PAPPA: variants seen among roughly 807,000 people sequenced by gnomAD.
PAPPA encodes pappalysin 1, also known as pappalysin-1.
PAPPA carries 60 observed loss-of-function variants against 164.0 expected under a neutral mutation model. The ratio of observed to expected loss-of-function variants is 0.37; its 90% CI spans 0.30 to 0.45. The LOEUF (loss-of-function observed/expected upper bound fraction) is 0.45, where lower values mean the gene tolerates loss of function less well. PAPPA is among the 20% of genes least tolerant of loss of function. The pLI is 1.00. For synonymous variants in PAPPA, 875 were observed against 814.1 expected, an observed-to-expected ratio of 1.07 and a Z score of -1.27; for missense variants, 1,782 against 2,087.3, an observed-to-expected ratio of 0.85 and a Z score of 2.85.
At chr9:116,317,156 T>C (rs1268358250) in intron 10 of PAPPA, among the ~76,000 whole-genome samples, 1 of 152,202 alleles carries the variant, frequency 6.6e-6, no homozygotes, top group Non-Finnish European at 1.5e-5. Context: ...TTTATGAACT[T>C]GAGAAAGTCT....
At chr9:116,393,149 G>C (rs564351489) in intron 21 of PAPPA, among the ~76,000 whole-genome samples, 2 of 152,328 alleles carry the variant, frequency 1.3e-5, no homozygotes, top group South Asian at 4.1e-4. Flanking sequence ...TGGAGAAGCT[G>C]ATTGAACTGG....
At chr9:116,337,067 G>A (rs1431291778) in intron 13 of PAPPA, among the ~76,000 whole-genome samples, 1 of 152,204 alleles carries the variant, frequency 6.6e-6, no homozygotes, top group East Asian at 1.9e-4. Context: ...CAGGCAGTAA[G>A]AGGCAAAATC....
intron 13 of PAPPA, among the ~76,000 whole-genome samples, chr9:116,335,487 T>A (rs1357883678): frequency 6.6e-6 from 1 of 152,124 alleles, no homozygotes; most frequent in Non-Finnish European, 1.5e-5. Flanking sequence ...CCAAGGGGGA[T>A]AGAGTGAGAC....
intron 2 of PAPPA, among the ~76,000 whole-genome samples, chr9:116,192,777 G>A (rs60148314): frequency 4.7e-4 from 72 of 152,292 alleles, no homozygotes; most frequent in African/African-American, 1.6e-3. Flanking sequence ...GCAGCCATTA[G>A]AGATGTCTCC....
intron 7 of PAPPA, among the ~76,000 whole-genome samples, chr9:116,258,092 G>A (rs1336320314): frequency 1.3e-5 from 2 of 151,880 alleles, no homozygotes; most frequent in Admixed American, 6.5e-5. Context: ...ACCTAAATAA[G>A]TAAAAAGATA....
At chr9:116,176,075 C>T (rs141265528) in intron 1 of PAPPA, among the ~76,000 whole-genome samples, 2 of 152,116 alleles carry the variant, frequency 1.3e-5, no homozygotes. Flanking sequence ...ATGGTGGAGA[C>T]TCATGAAGAC....
chr9:116,227,598 G>A (rs778050153), intron 6 of PAPPA, 46 bp downstream of exon 6: 4 of 1,604,702 alleles, frequency 2.5e-6, no homozygotes, highest in Non-Finnish European at 1.7e-6. Context: ...AGTGTGCAAA[G>A]AACAGCTCTT....
chr9:116,396,678 T>C lies in PAPPA; in HGVS notation c.*62T>C. 1.3e-6 allele frequency: 1 copy of C among 753,928 alleles called. No homozygotes were observed. Among genetic ancestry groups the C allele is most frequent in the Non-Finnish European group, 2.5e-6 (1 of 403,228 alleles). 46.7% of individuals were successfully genotyped at this position (753,928 alleles called of 1,614,324 possible). Reference sequence around the variant, plus strand: ...AGGACCCACATCCCTTTGGTATTGATTTCACAGTCAGCTGCTCAACGGAAT... The same window carrying C: ...AGGACCCACATCCCTTTGGTATTGACTTCACAGTCAGCTGCTCAACGGAAT... On this transcript the variant is annotated 3_prime_UTR_variant, in exon 22 of 22. Coordinates refer to ENST00000328252, the MANE Select transcript of PAPPA (RefSeq NM_002581.5).
In PAPPA at chr9:116,377,659, G is replaced by A. The variant is rs1477845892; in HGVS notation, c.4677+12G>A. 3 of 1,592,278 alleles carry A rather than the reference G, an allele frequency of 1.9e-6. No individual in the cohort carries two copies. The highest frequency in any genetic ancestry group is 1.7e-6 in the Non-Finnish European group (2 of 1,160,196). On this transcript the variant is annotated intron_variant, in intron 20 of 21. Transcript: ENST00000328252. ...TCAAAGGCTGTGAGGTGAGTCACAA[G>A]GAAGGCACTCCTCAGTTCCCTGGAA...
chr9:116,302,736 T>C, intron 9 of PAPPA, 21 bp from the exon 10 acceptor site: 1 of 1,594,792 alleles, frequency 6.3e-7, no homozygotes, highest in Non-Finnish European at 8.6e-7. Context: ...TTCTCTCCCT[T>C]TCTATGTCAA....
At chr9:116,295,006 T>C (rs1845483735) in intron 9 of PAPPA, among the ~76,000 whole-genome samples, 1 of 152,142 alleles carries the variant, frequency 6.6e-6, no homozygotes, top group African/African-American at 2.4e-5. Context: ...ACATTCAAAA[T>C]CTTTGCTTTC....
At chr9:116,333,348 G>A (rs1043884637) in intron 12 of PAPPA, among the ~76,000 whole-genome samples, 7 of 152,114 alleles carry the variant, frequency 4.6e-5, no homozygotes, top group Non-Finnish European at 8.8e-5. Context: ...GCACAAGATC[G>A]GGCCCTAAGA....
At chr9:116,366,062 T>C (rs1026055408) in intron 18 of PAPPA, among the ~76,000 whole-genome samples, 3 of 152,166 alleles carry the variant, frequency 2.0e-5, no homozygotes, top group Non-Finnish European at 4.4e-5. Flanking sequence ...AAATAGCTAA[T>C]AGAATAGGAT....
intron 1 of PAPPA, among the ~76,000 whole-genome samples, chr9:116,170,563 A>G (rs576942975): frequency 2.2e-4 from 33 of 151,286 alleles, no homozygotes; most frequent in Admixed American, 1.2e-3. Flanking sequence ...TCTTCCATCC[A>G]TTACCCATCT....
intron 10 of PAPPA, among the ~76,000 whole-genome samples, chr9:116,310,276 G>A (rs928603878): frequency 1.2e-4 from 18 of 152,316 alleles, no homozygotes; most frequent in African/African-American, 4.1e-4. Flanking sequence ...GCCAATGGTG[G>A]TGGAAGGAGG....
chr9:116,196,774 A>G (rs929435163), intron 2 of PAPPA, among the ~76,000 whole-genome samples: 4 of 151,360 alleles, frequency 2.6e-5, no homozygotes, highest in Non-Finnish European at 5.9e-5. Context: ...TCTCTTTTCC[A>G]TGTTCTAGGT....
At chr9:116,197,747 G>A (rs753987471) in intron 2 of PAPPA, among the ~76,000 whole-genome samples, 38 of 152,236 alleles carry the variant, frequency 2.5e-4, no homozygotes, top group Non-Finnish European at 5.0e-4. Context: ...TCTACTGTAC[G>A]GCCTGTATTG....
At chr9:116,308,830 T>A (rs1282655417) in intron 10 of PAPPA, among the ~76,000 whole-genome samples, 1 of 152,178 alleles carries the variant, frequency 6.6e-6, no homozygotes, top group Non-Finnish European at 1.5e-5. Context: ...TTCTAAAATG[T>A]GTGTATGGAA....
At chr9:116,227,010 G>A (rs1219826022) in intron 5 of PAPPA, among the ~76,000 whole-genome samples, 2 of 152,202 alleles carry the variant, frequency 1.3e-5, no homozygotes, top group African/African-American at 2.4e-5. Flanking sequence ...ACAAGATGGT[G>A]TCTGGCACAT....
Sources: allele counts gnomAD v4.1 joint callset (sites outside exome capture counted in the v4.1 genomes callset), GRCh38; gene constraint gnomAD v4.1.1; transcripts MANE v1.5; gene names NCBI Gene and HGNC (gene_info 2026-07-23, HGNC 2026-07-21).